Variants in MYH6 observed in about 807,000 individuals in gnomAD.
MYH6 encodes the protein myosin-6.
Under a neutral mutation model 223.2 loss-of-function variants are expected in MYH6, and 126 were observed. The observed-to-expected ratio is 0.56, with a 90% confidence interval of 0.49 to 0.65. The LOEUF (loss-of-function observed/expected upper bound fraction) is 0.65. Among genes scored for constraint, MYH6 ranks in the 30% least tolerant of loss-of-function variants. The pLI is 0.00. For synonymous variants in MYH6, 978 were observed against 1,010.2 expected, an observed-to-expected ratio of 0.97 and a Z score of 0.61; for missense variants, 2,040 against 2,536.4, an observed-to-expected ratio of 0.80 and a Z score of 4.20.
intron 32 of MYH6, among the ~76,000 whole-genome samples, 153 bp from the exon 33 acceptor site, chr14:23,386,776 C>T (rs373107187): frequency 1.3e-5 from 2 of 152,130 alleles, no homozygotes; most frequent in African/African-American, 4.8e-5. Flanking sequence ...ATGCCCACCA[C>T]GGTGCTATTG....
rs763959178 is a variant in MYH6, at chr14:23,393,768, C to T, written c.2826G>A (p.Lys942=). The change falls in exon 22 of 39, where the codon AAG becomes AAA. Residue 942 remains lysine (K), a synonymous_variant. Coordinates refer to ENST00000405093, the MANE Select transcript of MYH6 (RefSeq NM_002471.4). ...EEMNAELTAK[K]RKLEDECSEL... is the part of the protein sequence containing the mutation. ...CTGAGCACTCGTCTTCCAGCTTGCG[C>T]TTCTTGGCAGTGAGCTCCGCGTTCA... The T allele has an allele frequency of 3.7e-6, 6 of 1,614,112 alleles. No homozygotes were observed. The African/African-American group carries it at 8.0e-5, about 22-fold the overall frequency.
intron 16 of MYH6, 125 bp from the exon 17 acceptor site, chr14:23,397,382 A>G (rs1344080296): frequency 3.2e-6 from 4 of 1,268,132 alleles, no homozygotes; most frequent in Non-Finnish European, 4.6e-6. Context: ...ATAATTTGTG[A>G]CGTGAGTTCA....
In MYH6 at chr14:23,405,423, C is replaced by G; in HGVS notation, c.346-44G>C. The G allele has an allele frequency of 1.2e-6, 2 of 1,613,766 alleles. No individual in the cohort carries two copies. The highest frequency in any genetic ancestry group is 1.7e-6 in the Non-Finnish European group (2 of 1,179,748). ...CTGGGCATGAGGTTGGTGGGGAGAG[C>G]CTGGGACAGGCAGTGGTGGCAGCCA... On this transcript the variant is annotated intron_variant, in intron 4 of 38. Transcript: ENST00000405093. This position sits in a 1 kb window ranked among gnomAD's most constrained non-coding sequence, Gnocchi z 4.7.
intron 28 of MYH6, 91 bp downstream of exon 28, chr14:23,389,302 C>T: frequency 6.9e-7 from 1 of 1,445,394 alleles, no homozygotes; most frequent in Non-Finnish European, 9.7e-7. Context: ...TTGCAGAGGA[C>T]TCTTTCCAGC....
Position 23,400,928 on chromosome 14 carries a change from G to C in MYH6, c.1191C>G (p.Leu397=). 2 of 1,614,200 alleles carry C rather than the reference G, an allele frequency of 1.2e-6. No individual in the cohort carries two copies. The highest frequency in any genetic ancestry group is 8.5e-7 in the Non-Finnish European group (1 of 1,180,042). ...YLMGLNSADL[L]KGLCHPRVKV... is the part of the protein sequence containing the mutation. ...TCACCCGAGGGTGGCACAGCCCCTTGAGCAGGTCAGCTGAGTTCAGCCCCA... is the reference window on the plus strand; with the variant it reads ...TCACCCGAGGGTGGCACAGCCCCTTCAGCAGGTCAGCTGAGTTCAGCCCCA... The change falls in exon 13 of 39, where the codon CTC becomes CTG. Residue 397 remains leucine (L), a synonymous_variant. Transcript: ENST00000405093.
At chr14:23,382,672 G>T in intron 37 of MYH6, 110 bp from the exon 38 acceptor site, 1 of 1,492,562 alleles carries the variant, frequency 6.7e-7, no homozygotes, top group Non-Finnish European at 9.3e-7. Flanking sequence ...CATACCTCAT[G>T]CATATTCCTG....
rs373721137 is a variant in MYH6 at position 23,393,828 on chromosome 14, C to T, written c.2766G>A (p.Lys922=). The change falls in exon 22 of 39, where the codon AAG becomes AAA. Residue 922 remains lysine, a synonymous_variant. Coordinates refer to ENST00000405093, the MANE Select transcript of MYH6 (RefSeq NM_002471.4). Reference sequence around the variant, plus strand: ...CATCCTCCAGCCTCTCATTCATCTCCTTTACTTTGGCCTCCAGCTGAATCT... The same window carrying T: ...CATCCTCCAGCCTCTCATTCATCTCTTTTACTTTGGCCTCCAGCTGAATCT... The part of the protein sequence containing the change: ...KNKIQLEAKV[K]EMNERLEDEE... 1.4e-5 allele frequency: 23 copies of T among 1,614,248 alleles called. No individual in the cohort carries two copies. Among genetic ancestry groups the T allele is most frequent in the Non-Finnish European group, 1.5e-5 (18 of 1,180,052 alleles).
At chr14:23,393,319 G>A in intron 23 of MYH6, 23 bp downstream of exon 23, 1 of 1,614,042 alleles carries the variant, frequency 6.2e-7, no homozygotes, top group Non-Finnish European at 8.5e-7. Flanking sequence ...TCTGAGAGCA[G>A]GAGCATGGTT....
At chr14:23,396,618 T>A in intron 19 of MYH6, 76 bp downstream of exon 19, 1 of 1,611,672 alleles carries the variant, frequency 6.2e-7, no homozygotes, top group Non-Finnish European at 8.5e-7. Context: ...ATTAGGCTTC[T>A]GCCTCCTAAA....
At position 23,403,454 on chromosome 14, in the gene MYH6, G is replaced by T. The variant is rs762443801; in HGVS notation, c.800-8C>A. On this transcript the variant is annotated splice_polypyrimidine_tract_variant and splice_region_variant and intron_variant, in intron 9 of 38. Coordinates refer to ENST00000405093, the MANE Select transcript of MYH6 (RefSeq NM_002471.4). Reference sequence around the variant, plus strand: ...GGGACTTCTCCAGCAGGTCTGAGGTGGGTGGAGGGGAGGAAGGCAGGTGAG... The same window carrying T: ...GGGACTTCTCCAGCAGGTCTGAGGTTGGTGGAGGGGAGGAAGGCAGGTGAG... 4 of 1,610,182 alleles carry T rather than the reference G, an allele frequency of 2.5e-6. No individual in the cohort carries two copies. In the Middle Eastern group the frequency reaches 5.0e-4, roughly 199 times the overall value.
chr14:23,393,872 C>T lies in MYH6; in HGVS notation c.2722G>A (p.Asp908Asn), dbSNP rs758061689. ...TGAATCTTGTTTTTGATCAGCTGGT[C>T]GCAGCGCTCCTCAGCATCATTGAGG... is the stretch of plus-strand genomic sequence containing the variant. ...DNLNDAEERC[D>N]QLIKNKIQLE... Residue 908 changes from aspartate to asparagine, a missense_variant, in exon 22 of 39, where the codon GAC becomes AAC. Asp to Asn is a conservative substitution (Grantham distance 23). This residue lies in a region of MYH6 where 1,203 missense variants were observed against 1,400.2 expected (regional missense o/e 0.86). Coordinates refer to ENST00000405093, the MANE Select transcript of MYH6 (RefSeq NM_002471.4). 65 of 1,614,038 alleles carry T rather than the reference C, an allele frequency of 4.0e-5. No individual in the cohort carries two copies. Among genetic ancestry groups the T allele is most frequent in the Non-Finnish European group, 4.7e-5 (56 of 1,180,050 alleles).
chr14:23,386,684 T>C (rs374120045), intron 32 of MYH6, 61 bp from the exon 33 acceptor site: 21 of 1,541,190 alleles, frequency 1.4e-5, no homozygotes, highest in African/African-American at 1.2e-4. Context: ...AGAGGGAGGA[T>C]GAGAAGATAC....
chr14:23,405,072 C>T lies in MYH6; in HGVS notation c.530+28G>A, dbSNP rs1367243045. The T allele has an allele frequency of 2.5e-6, 4 of 1,613,990 alleles. No individual in the cohort carries two copies. The highest frequency in any genetic ancestry group is 3.4e-6 in the Non-Finnish European group (4 of 1,180,028). On this transcript the variant is annotated intron_variant, in intron 6 of 38. Coordinates refer to ENST00000405093, the MANE Select transcript of MYH6 (RefSeq NM_002471.4). The surrounding 1 kb of genome is among the most constrained non-coding windows in gnomAD (Gnocchi z 4.7). ...AGCGTGTATGCCCCCAGCCCAGTCC[C>T]TTCTGTGGGAGGATGGCACTCGCTC...
intron 35 of MYH6, 41 bp from the exon 36 acceptor site, chr14:23,384,758 G>T (rs1890968416): frequency 1.2e-6 from 2 of 1,614,024 alleles, no homozygotes; most frequent in East Asian, 2.2e-5. Flanking sequence ...TGGGCCAGGG[G>T]CCGGGGCCTT....
At chr14:23,388,055 C>T (rs138733999) in intron 30 of MYH6, 100 bp downstream of exon 30, 1,343 of 1,608,030 alleles carry the variant, frequency 8.4e-4, no homozygotes, top group South Asian at 1.3e-3. Flanking sequence ...TGGGCTTAGC[C>T]CTCCTCCTCC....
At position 23,407,007 on chromosome 14, in the gene MYH6, G is replaced by C. The variant is rs7147244; in HGVS notation, c.201+16C>G. The C allele has an allele frequency of 6.2e-7, 1 of 1,612,308 alleles. No individual in the cohort carries two copies. The highest frequency in any genetic ancestry group is 1.7e-5 in the Admixed American group (1 of 60,000). On this transcript the variant is annotated intron_variant, in intron 3 of 38. Transcript: ENST00000405093. This position sits in a 1 kb window ranked among gnomAD's most constrained non-coding sequence, Gnocchi z 5.6. ...AGACCTCCTTCCCTTCTGCCCCGGC[G>C]CCATGCCCTACTCACCTTCCCATTC...
intron 15 of MYH6, 58 bp downstream of exon 15, chr14:23,398,670 C>T: frequency 6.3e-7 from 1 of 1,585,050 alleles, no homozygotes; most frequent in Non-Finnish European, 8.7e-7. Context: ...AGCAGCAGGA[C>T]CCTGGCCCTT....
chr14:23,404,070 CCT>C, intron 8 of MYH6, among the ~76,000 whole-genome samples: 1 of 152,198 alleles, frequency 6.6e-6, no homozygotes, highest in Non-Finnish European at 1.5e-5. Context: ...TATTAGTCCC[CCT>C]GTTTCACAGG....
chr14:23,396,501 G>T, intron 19 of MYH6, 81 bp from the exon 20 acceptor site: 1 of 1,586,284 alleles, frequency 6.3e-7, no homozygotes, highest in Non-Finnish European at 8.6e-7. Flanking sequence ...GAGCTCCCAG[G>T]TGACCCATCA....
Sources: gnomAD v4.1 joint callset for allele counts (sites outside exome capture counted in the v4.1 genomes callset) on GRCh38, gnomAD v4.1.1 for gene constraint, gnomAD v4.1.1 regional missense constraint, Gnocchi (gnomAD v3.1) non-coding constraint, MANE v1.5 for transcripts, NCBI Gene and HGNC (gene_info 2026-07-23, HGNC 2026-07-21) for gene names.